CTNNA3: variants seen among roughly 807,000 people sequenced by gnomAD.
CTNNA3 encodes catenin alpha-3.
In CTNNA3, 76 loss-of-function variants were observed where a neutral mutation model predicts 95.7. The observed-to-expected ratio is 0.79, with a 90% CI of 0.66 to 0.96. CTNNA3 has a LOEUF of 0.96. Ranked by LOEUF, CTNNA3 falls within the 40% of genes least tolerant of loss-of-function variation. The pLI is 0.00. For synonymous variants in CTNNA3, 431 were observed against 374.4 expected, an observed-to-expected ratio of 1.15 and a Z score of -1.74; for missense variants, 1,191 against 1,089.8, an observed-to-expected ratio of 1.09 and a Z score of -1.31.
In CTNNA3 at chr10:66,196,966, C is replaced by T. The variant is rs1466200222; in HGVS notation, c.1884+83504G>A. Reference sequence around the variant, plus strand: ...CATGAATTGAACCTGGTATGTTAGGCAGGACAAATTACAGCTAACACATAT... The same window carrying T: ...CATGAATTGAACCTGGTATGTTAGGTAGGACAAATTACAGCTAACACATAT... On this transcript the variant is annotated intron_variant, in intron 13 of 17. Transcript: ENST00000433211. Among the ~76,000 whole-genome samples, 3 of 151,890 alleles carry T rather than the reference C, an allele frequency of 2.0e-5. No individual in the cohort carries two copies. The East Asian group carries it at 5.8e-4, about 29-fold the overall frequency.
rs998154899 is a variant in CTNNA3, at chr10:66,163,144, A to G, written c.1885-59895T>C. Reference sequence around the variant, plus strand: ...GCCCCAGGCTACCTGCCTTTCAGCTATGAAAGAAAAGGGCTTGGTTATTCC... The same window carrying G: ...GCCCCAGGCTACCTGCCTTTCAGCTGTGAAAGAAAAGGGCTTGGTTATTCC... On this transcript the variant is annotated intron_variant, in intron 13 of 17. Coordinates refer to ENST00000433211, the MANE Select transcript of CTNNA3 (RefSeq NM_013266.4). 8.5e-5 allele frequency among the ~76,000 whole-genome samples: 13 copies of G among 152,274 alleles called. No homozygotes were observed. In the East Asian group the frequency reaches 1.7e-3, roughly 20 times the overall value.
At chr10:67,346,856 G>T (rs973996227) in intron 5 of CTNNA3, 35 of 302,406 alleles carry the variant, frequency 1.2e-4, no homozygotes, top group Non-Finnish European at 6.2e-5. Flanking sequence ...CCACATCATT[G>T]TCCCTCCTGC....
At chr10:66,114,505 T>C (rs1279388482) in intron 13 of CTNNA3, among the ~76,000 whole-genome samples, 1 of 145,414 alleles carries the variant, frequency 6.9e-6, no homozygotes, top group Non-Finnish European at 1.5e-5. Flanking sequence ...TGTGTGCATA[T>C]ATGTATATAT....
At chr10:67,278,585 A>G (rs1041149491) in intron 5 of CTNNA3, among the ~76,000 whole-genome samples, 2 of 151,940 alleles carry the variant, frequency 1.3e-5, no homozygotes, top group Non-Finnish European at 2.9e-5. Context: ...TGTGCAGAGG[A>G]CTCTCTCAGA....
chr10:66,765,025 A>C (rs1291173313), intron 9 of CTNNA3, among the ~76,000 whole-genome samples: 1 of 152,164 alleles, frequency 6.6e-6, no homozygotes, highest in Non-Finnish European at 1.5e-5. Context: ...AACACTTGCC[A>C]TATCTAACAG....
chr10:66,953,047 C>T (rs1848620684), intron 7 of CTNNA3, among the ~76,000 whole-genome samples: 1 of 152,000 alleles, frequency 6.6e-6, no homozygotes. Context: ...AAAACAGAGC[C>T]TACTGAGAAA....
chr10:66,267,691 T>A (rs1830873390), intron 13 of CTNNA3, among the ~76,000 whole-genome samples: 2 of 152,170 alleles, frequency 1.3e-5, no homozygotes, highest in African/African-American at 4.8e-5. Flanking sequence ...CTCAATATGA[T>A]GTCTTCTTCA....
Position 66,333,440 on chromosome 10 carries a change from G to A in CTNNA3, c.1732+45712C>T, listed in dbSNP as rs201071159. Among the ~76,000 whole-genome samples the A allele has an allele frequency of 1.8e-4, 28 of 151,924 alleles. 1 individual carries two copies. The East Asian group carries it at 2.7e-3, about 15-fold the overall frequency. ...TCTGGTATGTTGTGTCTTTGTTCTC[G>A]TTGGTTTCAAGGAATATCTTTATTT... On this transcript the variant is annotated intron_variant, in intron 12 of 17. Coordinates refer to ENST00000433211, the MANE Select transcript of CTNNA3 (RefSeq NM_013266.4).
intron 7 of CTNNA3, among the ~76,000 whole-genome samples, chr10:66,781,197 A>G (rs1485124060): frequency 6.6e-6 from 1 of 152,048 alleles, no homozygotes; most frequent in African/African-American, 2.4e-5. Flanking sequence ...CAGCAGGAAA[A>G]TGTTTTTTGT....
intron 11 of CTNNA3, among the ~76,000 whole-genome samples, chr10:66,395,182 TA>T (rs2092966099): frequency 6.6e-6 from 1 of 152,076 alleles, no homozygotes; most frequent in African/African-American, 2.4e-5. Flanking sequence ...GAATTAATTT[TA>T]AAGTCAAGTA....
chr10:66,760,403 A>C (rs916961065), intron 9 of CTNNA3, among the ~76,000 whole-genome samples: 11 of 152,188 alleles, frequency 7.2e-5, no homozygotes, highest in African/African-American at 2.7e-4. Flanking sequence ...CCTGGAACAC[A>C]GGAATGAGCA....
intron 11 of CTNNA3, among the ~76,000 whole-genome samples, chr10:66,431,383 A>G (rs986062303): frequency 6.6e-6 from 1 of 152,198 alleles, no homozygotes; most frequent in African/African-American, 2.4e-5. Flanking sequence ...TGGCCCAGCC[A>G]TCCCATTACT....
intron 10 of CTNNA3, among the ~76,000 whole-genome samples, chr10:66,616,042 C>T (rs10822852): frequency 4.6e-5 from 7 of 151,882 alleles, no homozygotes; most frequent in South Asian, 2.1e-4. Flanking sequence ...CCCTATAGAT[C>T]GCTTTATCCT....
chr10:66,236,169 G>A (rs1248453091), intron 13 of CTNNA3, among the ~76,000 whole-genome samples: 2 of 152,132 alleles, frequency 1.3e-5, no homozygotes, highest in Non-Finnish European at 2.9e-5. Flanking sequence ...CGGAGACAAT[G>A]AGATACAGAA....
intron 13 of CTNNA3, among the ~76,000 whole-genome samples, chr10:66,109,308 C>A (rs1005716568): frequency 1.9e-4 from 29 of 152,140 alleles, no homozygotes; most frequent in Non-Finnish European, 5.9e-5. Flanking sequence ...CAGACTTAGC[C>A]TCAAGAGAAG....
intron 1 of CTNNA3, among the ~76,000 whole-genome samples, chr10:67,682,341 A>T (rs1412766408): frequency 6.6e-6 from 1 of 151,492 alleles, no homozygotes; most frequent in African/African-American, 2.4e-5. Flanking sequence ...AAAAAAAAAG[A>T]CTCAATAGAA....
intron 13 of CTNNA3, among the ~76,000 whole-genome samples, chr10:66,119,074 C>G (rs1023686215): frequency 1.3e-5 from 2 of 151,984 alleles, no homozygotes; most frequent in Admixed American, 1.3e-4. Flanking sequence ...AGATATAAAA[C>G]ATTGATTTTT....
chr10:67,510,121 T>G (rs1450382003), intron 5 of CTNNA3, among the ~76,000 whole-genome samples: 2 of 152,158 alleles, frequency 1.3e-5, no homozygotes, highest in Admixed American at 1.3e-4. Context: ...CAAAAATTTT[T>G]TCCCATTCTG....
At chr10:67,116,183 C>T (rs1277072213) in intron 7 of CTNNA3, among the ~76,000 whole-genome samples, 5 of 151,644 alleles carry the variant, frequency 3.3e-5, no homozygotes, top group African/African-American at 1.2e-4. Flanking sequence ...TGAACACGTG[C>T]CAGGAAATAA....
Sources: allele counts gnomAD v4.1 joint callset (sites outside exome capture counted in the v4.1 genomes callset), GRCh38; gene constraint gnomAD v4.1.1; transcripts MANE v1.5; gene names NCBI Gene and HGNC (gene_info 2026-07-23, HGNC 2026-07-21).